Variants in STK32C observed in about 807,000 individuals in gnomAD.
The protein encoded by STK32C is serine/threonine kinase 32C, also known as serine/threonine-protein kinase 32C.
Under a neutral mutation model 56.5 loss-of-function variants are expected in STK32C, and 31 were observed. The observed-to-expected ratio is 0.55, with a 90% CI of 0.41 to 0.74. STK32C has a LOEUF of 0.74. Ranked by LOEUF, STK32C falls within the 30% of genes least tolerant of loss-of-function variation. The pLI is 0.00. For missense variants in STK32C, 544 were observed against 676.9 expected (o/e 0.80, Z 2.18); for synonymous variants, 309 against 289.4 (o/e 1.07, Z -0.69).
intron 1 of STK32C, among the ~76,000 whole-genome samples, chr10:132,328,120 A>C (rs981032694): frequency 1.3e-5 from 2 of 152,186 alleles, no homozygotes; most frequent in African/African-American, 4.8e-5. Flanking sequence ...ATTAACGCAG[A>C]GCGGGCTGTG....
chr10:132,245,801 A>G lies in STK32C; in HGVS notation c.318+99T>C. 1.6e-5 allele frequency: 20 copies of G among 1,230,466 alleles called. 1 individual carries two copies. In the South Asian group the frequency reaches 2.3e-4, roughly 14 times the overall value. 76.2% of individuals were successfully genotyped at this position (1,230,466 alleles called of 1,614,324 possible). A position where few individuals can be genotyped will look rare whatever the true frequency, so the allele number is the denominator to read the frequency against. On this transcript the variant is annotated intron_variant, in intron 2 of 11. Coordinates refer to ENST00000298630, the MANE Select transcript of STK32C (RefSeq NM_173575.4). Reference sequence around the variant, plus strand: ...TGCCCAGGTAAGGCTGCTTCTCCCAAGGAGGATGGGAGTAGGTGGGCTCAG... The same window carrying G: ...TGCCCAGGTAAGGCTGCTTCTCCCAGGGAGGATGGGAGTAGGTGGGCTCAG...
At chr10:132,329,863 A>G (rs1314131631) in intron 1 of STK32C, among the ~76,000 whole-genome samples, 2 of 152,254 alleles carry the variant, frequency 1.3e-5, no homozygotes, top group Non-Finnish European at 2.9e-5. Context: ...ACCAACTTAT[A>G]CTCAGAAATA....
chr10:132,280,801 T>C (rs1054765637), intron 1 of STK32C, among the ~76,000 whole-genome samples: 7 of 140,968 alleles, frequency 5.0e-5, no homozygotes, highest in African/African-American at 1.9e-4. Context: ...CTGCACCCCG[T>C]GATCACACCA....
At position 132,207,777 on chromosome 10, in the gene STK32C, TAGG is replaced by T; in HGVS notation, c.*230_*232del. 1 of 442,444 alleles carries T rather than the reference TAGG, an allele frequency of 2.3e-6. No homozygotes were observed. Among genetic ancestry groups the T allele is most frequent in the Non-Finnish European group, 3.7e-6 (1 of 271,606 alleles). The allele number at this position is 442,444 out of a possible 1,614,324, so 27.4% of individuals were successfully genotyped here. On this transcript the variant is annotated 3_prime_UTR_variant, in exon 12 of 12. Transcript: ENST00000298630. ...GGCGCCCAGCAGCGCTTCCTCCATC[TAGG>T]CGGGTCTCGGGGGCCCACGGGAAAT... is the stretch of plus-strand genomic sequence containing the variant.
At chr10:132,230,202 T>C (rs1308743569) in intron 2 of STK32C, among the ~76,000 whole-genome samples, 1 of 152,254 alleles carries the variant, frequency 6.6e-6, no homozygotes, top group Non-Finnish European at 1.5e-5. Flanking sequence ...TGACCATTTT[T>C]TAAATTGTTA....
At chr10:132,305,978 G>C (rs1044228430) in intron 1 of STK32C, among the ~76,000 whole-genome samples, 1 of 152,218 alleles carries the variant, frequency 6.6e-6, no homozygotes, top group Admixed American at 6.5e-5. Context: ...AGGCAAATAC[G>C]GTGATGCTGG....
intron 1 of STK32C, among the ~76,000 whole-genome samples, chr10:132,254,537 C>A (rs2064035913): frequency 3.8e-5 from 4 of 105,830 alleles, no homozygotes; most frequent in Admixed American, 3.4e-4. Flanking sequence ...AAGCCTGCCG[C>A]AGGGTGCCGG....
intron 2 of STK32C, among the ~76,000 whole-genome samples, chr10:132,240,777 G>T (rs963838709): frequency 1.3e-5 from 2 of 152,110 alleles, no homozygotes; most frequent in African/African-American, 2.4e-5. Flanking sequence ...AGCCAGGGGG[G>T]TTAGAGAGGA....
At chr10:132,239,414 G>A (rs986848311) in intron 2 of STK32C, among the ~76,000 whole-genome samples, 2 of 152,214 alleles carry the variant, frequency 1.3e-5, no homozygotes, top group Non-Finnish European at 2.9e-5. Flanking sequence ...CCCAAACAAA[G>A]CCTGTATCAA....
intron 1 of STK32C, among the ~76,000 whole-genome samples, chr10:132,317,445 A>G (rs2066328350): frequency 6.6e-6 from 1 of 152,236 alleles, no homozygotes. Context: ...AAAACAGACA[A>G]GGGGAAAGGT....
intron 1 of STK32C, among the ~76,000 whole-genome samples, chr10:132,251,846 T>C (rs12764487): frequency 5.1e-5 from 7 of 137,178 alleles, no homozygotes; most frequent in African/African-American, 1.1e-4. Context: ...GGCAGGTCAA[T>C]GCCCTACGCC....
At chr10:132,224,301 G>A in intron 8 of STK32C, 106 bp downstream of exon 8, 2 of 809,408 alleles carry the variant, frequency 2.5e-6, no homozygotes. Context: ...GTGCCTGCCA[G>A]GAAGCGGCAC....
chr10:132,332,012 C>T, upstream of STK32C: 2 of 406,034 alleles, frequency 4.9e-6, no homozygotes, highest in South Asian at 1.1e-4. Flanking sequence ...CCCTGCCGCG[C>T]AGGGGCACCC....
rs769354736 is a variant in STK32C at position 132,224,426 on chromosome 10, A to G, written c.974T>C (p.Met325Thr). 3.2e-6 allele frequency: 5 copies of G among 1,554,072 alleles called. No individual in the cohort carries two copies. The East Asian group carries it at 1.2e-4, about 38-fold the overall frequency. Reference protein sequence around the residue: ...VQYVPTWSKEMVALLRKLLTV... With the variant: ...VQYVPTWSKETVALLRKLLTV... ...GCTCACCTTCCGCAGCAAGGCCACC[A>G]TCTCCTTGGACCACGTGGGGACATA... is the stretch of plus-strand genomic sequence containing the variant. The change falls in exon 8 of 12, where the codon ATG (methionine) becomes ACG (threonine). Residue 325 changes from methionine (M) to threonine (T), a missense_variant. Coordinates refer to ENST00000298630, the MANE Select transcript of STK32C (RefSeq NM_173575.4).
At chr10:132,285,668 C>T (rs537519434) in intron 1 of STK32C, among the ~76,000 whole-genome samples, 5 of 152,294 alleles carry the variant, frequency 3.3e-5, no homozygotes, top group African/African-American at 1.2e-4. Flanking sequence ...CCAACAACAA[C>T]CCAAAATATG....
Position 132,224,483 on chromosome 10 carries a change from A to G in STK32C, c.917T>C (p.Leu306Pro), listed in dbSNP as rs1732177919. 6.3e-7 allele frequency: 1 copy of G among 1,586,010 alleles called. No homozygotes were observed. The highest frequency in any genetic ancestry group is 8.6e-7 in the Non-Finnish European group (1 of 1,166,498). ...DIHSSNAVES[L>P]VQLFSTVSVQ... ...GCTCACGGTGCTGAACAGCTGCACC[A>G]GGGACTCCACGGCGTTGCTGGAGTG... Residue 306 changes from leucine to proline, a missense_variant, in exon 8 of 12, where the codon CTG (leucine) becomes CCG (proline). Around this residue, in one of 3 missense-constraint regions of STK32C, gnomAD observed 277 missense variants for 309.3 expected, o/e 0.90. Coordinates refer to ENST00000298630, the MANE Select transcript of STK32C (RefSeq NM_173575.4).
intron 8 of STK32C, among the ~76,000 whole-genome samples, chr10:132,223,678 G>A (rs1003052897): frequency 6.6e-6 from 1 of 152,224 alleles, no homozygotes; most frequent in African/African-American, 2.4e-5. Context: ...CAAGGATTTA[G>A]GCTGCTTGGC....
intron 4 of STK32C, among the ~76,000 whole-genome samples, 181 bp downstream of exon 4, chr10:132,226,614 G>C (rs1034221419): frequency 6.6e-6 from 1 of 152,246 alleles, no homozygotes; most frequent in Non-Finnish European, 1.5e-5. Flanking sequence ...CAGGCACACA[G>C]CTATGGGGCT....
chr10:132,247,197 G>A (rs956625299), intron 1 of STK32C, among the ~76,000 whole-genome samples: 19 of 152,340 alleles, frequency 1.2e-4, no homozygotes, highest in African/African-American at 4.6e-4. Flanking sequence ...CTCCCTGGCG[G>A]TACCCTGTGC....
Sources: allele counts gnomAD v4.1 joint callset (sites outside exome capture counted in the v4.1 genomes callset), GRCh38; gene constraint gnomAD v4.1.1; regional missense constraint gnomAD v4.1.1; transcripts MANE v1.5; gene names NCBI Gene and HGNC (gene_info 2026-07-23, HGNC 2026-07-21).